Variants in VWA5B2 observed in about 807,000 individuals in gnomAD.
VWA5B2 encodes von Willebrand factor A domain containing 5B2.
VWA5B2 carries 93 observed loss-of-function variants against 118.5 expected under a neutral mutation model. The ratio of observed to expected loss-of-function variants is 0.79; its 90% CI spans 0.66 to 0.93. VWA5B2 has a LOEUF of 0.93. Ranked by LOEUF, VWA5B2 falls within the 40% of genes least tolerant of loss-of-function variation. The pLI, the probability that VWA5B2 is intolerant of heterozygous loss-of-function variation, is 0.00. For missense variants in VWA5B2, 1,546 were observed against 1,672.8 expected (o/e 0.92, Z 1.32); for synonymous variants, 708 against 716.3 (o/e 0.99, Z 0.19).
In VWA5B2 at chr3:184,230,827, C is replaced by T; in HGVS notation, c.220C>T (p.Gln74Ter). ...AEAAGRRVSF[Q>*]LQSRRRSQAA... ...GGCCGCCGGACGGCGCGTCTCCTTC[C>T]AGCTGCAGAGCCGGCGCCGCTCGCA... The change falls in exon 3 of 20, where the codon CAG (glutamine) becomes TAG (stop). Residue 74 changes from glutamine (Q) to a stop codon, truncating the protein, a stop_gained. Transcript: ENST00000691901. LOFTEE classifies it high-confidence loss of function. 1 of 1,256,586 alleles carries T rather than the reference C, an allele frequency of 8.0e-7. No homozygotes were observed. Among genetic ancestry groups the T allele is most frequent in the Non-Finnish European group, 1.0e-6 (1 of 1,001,746 alleles). 77.8% of individuals were successfully genotyped at this position (1,256,586 alleles called of 1,614,324 possible). A position where few individuals can be genotyped will look rare whatever the true frequency, so the allele number is the denominator to read the frequency against.
At chr3:184,231,006 T>C in intron 3 of VWA5B2, 89 bp downstream of exon 3, 1 of 1,193,340 alleles carries the variant, frequency 8.4e-7, no homozygotes. Context: ...GTCCCCCGCC[T>C]TCCTCCGGGC....
Position 184,235,290 on chromosome 3 carries a change from C to G in VWA5B2, c.1083C>G (p.Ser361Arg). The G allele has an allele frequency of 6.4e-7, 1 of 1,551,530 alleles. No homozygotes were observed. The highest frequency in any genetic ancestry group is 1.7e-4 in the Middle Eastern group (1 of 5,984). The stretch of plus-strand genomic sequence containing the variant: ...GGGAGCTACTCTTCCTTTTGGATAG[C>G]AGCAGCGTGGCACACAAGGCCCGTG... Reference protein sequence around the residue: ...ATRELLFLLDSSSVAHKDAIV... With the variant: ...ATRELLFLLDRSSVAHKDAIV... The change falls in exon 8 of 20, where the codon AGC becomes AGG. Residue 361 changes from serine to arginine, a missense_variant. By Grantham distance (110) the Ser-to-Arg change is moderately radical. This residue lies in a region of VWA5B2 where 775 missense variants were observed against 882.3 expected (regional missense o/e 0.88). Coordinates refer to ENST00000691901, the MANE Select transcript of VWA5B2 (RefSeq NM_001390846.1).
Position 184,235,289 on chromosome 3 carries a change from G to A in VWA5B2, c.1082G>A (p.Ser361Asn). The change falls in exon 8 of 20, where the codon AGC (serine) becomes AAC (asparagine). Residue 361 changes from serine to asparagine, a missense_variant. Transcript: ENST00000691901. ...CGGGAGCTACTCTTCCTTTTGGATA[G>A]CAGCAGCGTGGCACACAAGGCCCGT... is the stretch of plus-strand genomic sequence containing the variant. Reference protein sequence around the residue: ...ATRELLFLLDSSSVAHKDAIV... With the variant: ...ATRELLFLLDNSSVAHKDAIV... 2 of 1,551,560 alleles carry A rather than the reference G, an allele frequency of 1.3e-6. No homozygotes were observed. The highest frequency in any genetic ancestry group is 2.4e-5 in the South Asian group (2 of 84,058).
Position 184,241,765 on chromosome 3 carries a change from G to A in VWA5B2, c.3456G>A (p.Glu1152=), listed in dbSNP as rs763125059. Residue 1152 remains glutamate (E), a synonymous_variant, in exon 20 of 20, where the codon GAG becomes GAA. Transcript: ENST00000691901. This position sits in a 1 kb window ranked among gnomAD's most constrained non-coding sequence, Gnocchi z 5.1. ...GGGGCTCAGACACCGAGGCCTCCGA[G>A]GGGGCGGAAGGGCTGGGCGGCACCG... ...SGRGSDTEAS[E]GAEGLGGTDL... is the part of the protein sequence containing the mutation. 2.7e-6 allele frequency: 4 copies of A among 1,482,124 alleles called. No homozygotes were observed. The highest frequency in any genetic ancestry group is 2.5e-5 in the East Asian group (1 of 40,356). 91.8% of individuals were successfully genotyped at this position (1,482,124 alleles called of 1,614,324 possible). A position where few individuals can be genotyped will look rare whatever the true frequency, so the allele number is the denominator to read the frequency against.
Position 184,241,814 on chromosome 3 carries a change from A to C in VWA5B2, c.3505A>C (p.Thr1169Pro), listed in dbSNP as rs1434162609. The C allele has an allele frequency of 6.6e-7, 1 of 1,513,426 alleles. No individual in the cohort carries two copies. The highest frequency in any genetic ancestry group is 1.4e-5 in the African/African-American group (1 of 72,582). 93.7% of individuals were successfully genotyped at this position (1,513,426 alleles called of 1,614,324 possible). The change falls in exon 20 of 20, where the codon ACT becomes CCT. Residue 1169 changes from threonine (T) to proline (P), a missense_variant. Thr to Pro is a conservative substitution (Grantham distance 38). Coordinates refer to ENST00000691901, the MANE Select transcript of VWA5B2 (RefSeq NM_001390846.1). This position sits in a 1 kb window ranked among gnomAD's most constrained non-coding sequence, Gnocchi z 5.1. ...GTDLRGRTWA[T>P]AVALAWLEHR... ...CGACCTGCGGGGCCGGACCTGGGCC[A>C]CTGCCGTAGCACTCGCCTGGCTGGA...
rs544665592 is a variant in VWA5B2 at position 184,232,368 on chromosome 3, T to G, written c.311-810T>G. The stretch of plus-strand genomic sequence containing the variant: ...AGCTGATATTTAAAACTTGATGCTG[T>G]GCTGTCTCCACTGTGTCGGTTGGCT... On this transcript the variant is annotated intron_variant, in intron 3 of 19. Coordinates refer to ENST00000691901, the MANE Select transcript of VWA5B2 (RefSeq NM_001390846.1). 2.6e-5 allele frequency among the ~76,000 whole-genome samples: 4 copies of G among 152,304 alleles called. No homozygotes were observed. The East Asian group carries it at 7.7e-4, about 29-fold the overall frequency.
At position 184,230,463 on chromosome 3, in the gene VWA5B2, T is replaced by G; in HGVS notation, c.-66T>G. ...TCGCGCTGGCCTCTGGAGCGCGGGG[T>G]GGGCGTCCCGTCACCCTGCGCCCAG... On this transcript the variant is annotated 5_prime_UTR_variant, in exon 2 of 20. Transcript: ENST00000691901. 7.3e-7 allele frequency: 1 copy of G among 1,374,410 alleles called. No individual in the cohort carries two copies. The highest frequency in any genetic ancestry group is 9.3e-7 in the Non-Finnish European group (1 of 1,073,250). 85.1% of individuals were successfully genotyped at this position (1,374,410 alleles called of 1,614,324 possible). A position where few individuals can be genotyped will look rare whatever the true frequency, so the allele number is the denominator to read the frequency against.
intron 3 of VWA5B2, among the ~76,000 whole-genome samples, chr3:184,232,207 T>C (rs1717466808): frequency 1.3e-5 from 2 of 152,072 alleles, no homozygotes; most frequent in Admixed American, 1.3e-4. Flanking sequence ...CTGACTTATA[T>C]GTTGGGTGCT....
chr3:184,234,770 G>T lies in VWA5B2; in HGVS notation c.945+15G>T. Reference sequence around the variant, plus strand: ...GGGACCGGCAGGTACCGCCATAGGAGCCTGGCCTGGCCCCTGGCCTTGGCT... The same window carrying T: ...GGGACCGGCAGGTACCGCCATAGGATCCTGGCCTGGCCCCTGGCCTTGGCT... On this transcript the variant is annotated intron_variant, in intron 7 of 19. Transcript: ENST00000691901. 1.3e-6 allele frequency: 2 copies of T among 1,550,790 alleles called. No individual in the cohort carries two copies. Among genetic ancestry groups the T allele is most frequent in the Non-Finnish European group, 1.7e-6 (2 of 1,146,840 alleles).
rs1261295896 is a variant in VWA5B2, at chr3:184,239,827, G to A, written c.2531G>A (p.Arg844Gln). The change falls in exon 16 of 20, where the codon CGG becomes CAG. Residue 844 changes from arginine (R) to glutamine (Q), a missense_variant. Arg to Gln is a conservative substitution (Grantham distance 43). Coordinates refer to ENST00000691901, the MANE Select transcript of VWA5B2 (RefSeq NM_001390846.1). The surrounding 1 kb of genome is among the most constrained non-coding windows in gnomAD (Gnocchi z 5.1). Reference protein sequence around the residue: ...PQAPRCHVVIRGLCGEQPMCW... With the variant: ...PQAPRCHVVIQGLCGEQPMCW... ...GCTCCACGCTGCCATGTGGTGATCC[G>A]GGGCCTGTGTGGGGAGCAGCCCATG... is the stretch of plus-strand genomic sequence containing the variant. 3 of 1,551,318 alleles carry A rather than the reference G, an allele frequency of 1.9e-6. No individual in the cohort carries two copies. Among genetic ancestry groups the A allele is most frequent in the African/African-American group, 1.4e-5 (1 of 73,144 alleles).
chr3:184,241,863 A>C lies in VWA5B2; in HGVS notation c.3554A>C (p.Asp1185Ala), dbSNP rs1344819417. The change falls in exon 20 of 20, where the codon GAC (aspartate) becomes GCC (alanine). Residue 1185 changes from aspartate to alanine, a missense_variant. By Grantham distance (126) the Asp-to-Ala change is moderately radical (BLOSUM62 -2). Around this residue, in one of 3 missense-constraint regions of VWA5B2, gnomAD observed 763 missense variants for 766.6 expected, o/e 1.00. Transcript: ENST00000691901. The surrounding 1 kb of genome is among the most constrained non-coding windows in gnomAD (Gnocchi z 5.1). Reference sequence around the variant, plus strand: ...GAGCACCGATGCGCCGCTGCCTTCGACGAGTGGGAACTGACAGCGGCCAAG... The same window carrying C: ...GAGCACCGATGCGCCGCTGCCTTCGCCGAGTGGGAACTGACAGCGGCCAAG... ...WLEHRCAAAF[D>A]EWELTAAKAD... 3.9e-6 allele frequency: 6 copies of C among 1,544,436 alleles called. No individual in the cohort carries two copies. Among genetic ancestry groups the C allele is most frequent in the Non-Finnish European group, 5.2e-6 (6 of 1,145,716 alleles).
At position 184,233,110 on chromosome 3, in the gene VWA5B2, T is replaced by G; in HGVS notation, c.311-68T>G. 1 of 1,437,808 alleles carries G rather than the reference T, an allele frequency of 7.0e-7. No homozygotes were observed. The highest frequency in any genetic ancestry group is 9.4e-7 in the Non-Finnish European group (1 of 1,062,158). 89.1% of individuals were successfully genotyped at this position (1,437,808 alleles called of 1,614,324 possible). On this transcript the variant is annotated intron_variant, in intron 3 of 19. Coordinates refer to ENST00000691901, the MANE Select transcript of VWA5B2 (RefSeq NM_001390846.1). The surrounding 1 kb of genome is among the most constrained non-coding windows in gnomAD (Gnocchi z 5.2). ...CAGGCTCCCTGACCCAATGCCTGCT[T>G]CCACATCTAGCTTCCTCCCTCTCCT...
In VWA5B2 at chr3:184,233,654, G is replaced by A. The variant is rs1443983972; in HGVS notation, c.609G>A (p.Val203=). Residue 203 remains valine, a synonymous_variant, in exon 5 of 20, where the codon GTG becomes GTA. Coordinates refer to ENST00000691901, the MANE Select transcript of VWA5B2 (RefSeq NM_001390846.1). This position sits in a 1 kb window ranked among gnomAD's most constrained non-coding sequence, Gnocchi z 5.2. ...AWEELAAPRD[V]FSGPARCPAP... ...AGGAGCTGGCTGCCCCTCGGGACGT[G>A]TTCTCAGGCCCTGCCCGCTGCCCTG... The A allele has an allele frequency of 6.4e-7, 1 of 1,551,290 alleles. No individual in the cohort carries two copies. Among genetic ancestry groups the A allele is most frequent in the South Asian group, 1.2e-5 (1 of 84,050 alleles).
Position 184,238,728 on chromosome 3 carries a change from C to T in VWA5B2, c.2057C>T (p.Ser686Phe), listed in dbSNP as rs2108430681. 4 of 1,551,022 alleles carry T rather than the reference C, an allele frequency of 2.6e-6. No individual in the cohort carries two copies. Among genetic ancestry groups the T allele is most frequent in the South Asian group, 1.2e-5 (1 of 84,058 alleles). Residue 686 changes from serine to phenylalanine, a missense_variant, in exon 14 of 20, where the codon TCC (serine) becomes TTC (phenylalanine). Physicochemically the swap from Ser to Phe is radical, Grantham distance 155. Around this residue, in one of 3 missense-constraint regions of VWA5B2, gnomAD observed 763 missense variants for 766.6 expected, o/e 1.00. Transcript: ENST00000691901. This position sits in a 1 kb window ranked among gnomAD's most constrained non-coding sequence, Gnocchi z 5.0. ...PGPGSTGSSE[S>F]PGSQGPGSPE... The stretch of plus-strand genomic sequence containing the variant: ...CCAGGCTCCACAGGCAGCAGTGAGT[C>T]CCCAGGCTCACAGGGCCCTGGCTCC...
At position 184,238,988 on chromosome 3, in the gene VWA5B2, G is replaced by A; in HGVS notation, c.2202+115G>A. The A allele has an allele frequency of 8.6e-7, 1 of 1,159,050 alleles. No homozygotes were observed. The highest frequency in any genetic ancestry group is 1.2e-6 in the Non-Finnish European group (1 of 841,410). The allele number at this position is 1,159,050 out of a possible 1,614,324, so 71.8% of individuals were successfully genotyped here. Reference sequence around the variant, plus strand: ...TTAAGTCTAGCTAGAGAGAAAGGTGGGTAAATCCCCAACGATACCATGTAA... The same window carrying A: ...TTAAGTCTAGCTAGAGAGAAAGGTGAGTAAATCCCCAACGATACCATGTAA... On this transcript the variant is annotated intron_variant, in intron 14 of 19. Coordinates refer to ENST00000691901, the MANE Select transcript of VWA5B2 (RefSeq NM_001390846.1). This position sits in a 1 kb window ranked among gnomAD's most constrained non-coding sequence, Gnocchi z 5.0.
rs1180808323 is a variant in VWA5B2, at chr3:184,236,682, A to G, written c.1466A>G (p.Gln489Arg). The G allele has an allele frequency of 6.4e-7, 1 of 1,551,390 alleles. No homozygotes were observed. The highest frequency in any genetic ancestry group is 2.4e-5 in the East Asian group (1 of 40,904). The part of the protein sequence containing the change: ...GLGPTCHQLL[Q>R]GLSALSRGQA... ...GGGCCCACCTGCCACCAGCTGCTCC[A>G]GGGTTTATCTGCCCTCAGCAGAGGC... The change falls in exon 11 of 20, where the codon CAG becomes CGG. Residue 489 changes from glutamine (Q) to arginine (R), a missense_variant. Coordinates refer to ENST00000691901, the MANE Select transcript of VWA5B2 (RefSeq NM_001390846.1).
chr3:184,236,899 G>A, intron 11 of VWA5B2, 150 bp downstream of exon 11: 2 of 739,326 alleles, frequency 2.7e-6, no homozygotes, highest in Non-Finnish European at 4.3e-6. Flanking sequence ...AAGAGCTGTT[G>A]GTGCTGTGAA....
chr3:184,239,807 A>T lies in VWA5B2; in HGVS notation c.2511A>T (p.Pro837=). ...CTCCAGCAGTGCCTCCCCAGGCTCCACGCTGCCATGTGGTGATCCGGGGCC... is the reference window on the plus strand; with the variant it reads ...CTCCAGCAGTGCCTCCCCAGGCTCCTCGCTGCCATGTGGTGATCCGGGGCC... ...LAPPAVPPQA[P]RCHVVIRGLC... The change falls in exon 16 of 20, where the codon CCA becomes CCT. Residue 837 remains proline, a synonymous_variant. Coordinates refer to ENST00000691901, the MANE Select transcript of VWA5B2 (RefSeq NM_001390846.1). The surrounding 1 kb of genome is among the most constrained non-coding windows in gnomAD (Gnocchi z 5.1). The T allele has an allele frequency of 6.5e-7, 1 of 1,548,374 alleles. No homozygotes were observed. The highest frequency in any genetic ancestry group is 8.7e-7 in the Non-Finnish European group (1 of 1,144,614).
chr3:184,232,754 C>G, intron 3 of VWA5B2: 1 of 176,456 alleles, frequency 5.7e-6, no homozygotes. Context: ...GGGGGAGCTC[C>G]TGATGGTTCA....
Sources: gnomAD v4.1 joint callset for allele counts (sites outside exome capture counted in the v4.1 genomes callset) on GRCh38, gnomAD v4.1.1 for gene constraint, gnomAD v4.1.1 regional missense constraint, Gnocchi (gnomAD v3.1) non-coding constraint, MANE v1.5 for transcripts, NCBI Gene and HGNC (gene_info 2026-07-23, HGNC 2026-07-21) for gene names.